Variants in SEMA3A observed in about 807,000 individuals in gnomAD.
SEMA3A encodes the protein semaphorin-3A.
In SEMA3A, 29 loss-of-function variants were observed where a neutral mutation model predicts 97.9. The observed-to-expected ratio is 0.30, with a 90% confidence interval of 0.22 to 0.40. SEMA3A has a LOEUF of 0.40. Among genes scored for constraint, SEMA3A ranks in the 10% least tolerant of loss-of-function variants. SEMA3A has a pLI of 1.00. For missense variants in SEMA3A, 763 were observed against 951.3 expected (o/e 0.80, Z 2.60); for synonymous variants, 321 against 323.7 (o/e 0.99, Z 0.09).
At chr7:84,379,657 C>G (rs1803203827) in intron 1 of SEMA3A, among the ~76,000 whole-genome samples, 1 of 151,212 alleles carries the variant, frequency 6.6e-6, no homozygotes. Context: ...TATTTCATAA[C>G]TAGAATGAAA....
At chr7:84,335,684 G>T (rs190775916) in intron 2 of SEMA3A, among the ~76,000 whole-genome samples, 2 of 152,216 alleles carry the variant, frequency 1.3e-5, no homozygotes, top group African/African-American at 4.8e-5. Flanking sequence ...TGACCTTAGA[G>T]AGTGAATATA....
At chr7:84,049,871 C>T (rs893479248) in intron 5 of SEMA3A, among the ~76,000 whole-genome samples, 4 of 120,754 alleles carry the variant, frequency 3.3e-5, no homozygotes, top group Admixed American at 1.8e-4. Context: ...CCCCTCCCCC[C>T]ACCCCACCAC....
chr7:84,425,438 G>GTATATATTTATATGAATATAAATATAT (rs1396004921), intron 1 of SEMA3A, among the ~76,000 whole-genome samples: 3 of 124,864 alleles, frequency 2.4e-5, no homozygotes, highest in Non-Finnish European at 3.2e-5. Flanking sequence ...TATAAATATA[G>GTATATATTTATATGAATATAAATATAT]GCATATATTT....
At chr7:84,227,354 G>T (rs939265212) in intron 3 of SEMA3A, among the ~76,000 whole-genome samples, 5 of 151,840 alleles carry the variant, frequency 3.3e-5, no homozygotes, top group Admixed American at 6.6e-5. Context: ...CTTCAAACCA[G>T]CAAGCATTCA....
At chr7:84,222,066 T>C (rs538085829) in intron 3 of SEMA3A, among the ~76,000 whole-genome samples, 30 of 152,092 alleles carry the variant, frequency 2.0e-4, no homozygotes, top group Non-Finnish European at 3.7e-4. Context: ...AATCTAGTCA[T>C]TGCTTCCAAA....
At chr7:84,242,276 C>T (rs1799382178) in intron 3 of SEMA3A, among the ~76,000 whole-genome samples, 1 of 152,084 alleles carries the variant, frequency 6.6e-6, no homozygotes, top group African/African-American at 2.4e-5. Flanking sequence ...GAATGTTTTT[C>T]CATTTGTTTG....
chr7:84,350,230 T>A (rs1017012100), intron 2 of SEMA3A, among the ~76,000 whole-genome samples: 1 of 152,196 alleles, frequency 6.6e-6, no homozygotes, highest in Non-Finnish European at 1.5e-5. Context: ...ATTATCTTTG[T>A]TCATTCTACA....
chr7:84,292,598 C>T lies in SEMA3A; in HGVS notation c.-83+14609G>A, dbSNP rs112877004. ...CTTTAGTTAATTGAAGCCAATACTA[C>T]GTAAAAATCTGTAGGAGGTAGAAAA... On this transcript the variant is annotated intron_variant, in intron 3 of 3. Transcript: ENST00000424555. 5.9e-5 allele frequency among the ~76,000 whole-genome samples: 9 copies of T among 151,972 alleles called. 1 individual carries two copies. The highest frequency in any genetic ancestry group is 1.4e-4 in the African/African-American group (6 of 41,486).
chr7:84,103,395 T>A (rs2115908993), intron 4 of SEMA3A, among the ~76,000 whole-genome samples: 1 of 152,108 alleles, frequency 6.6e-6, no homozygotes, highest in Non-Finnish European at 1.5e-5. Flanking sequence ...GGTACTAAAA[T>A]TTTAAATTAA....
rs762307031 is a variant in SEMA3A, at chr7:83,977,200, A to C, written c.1653-4T>G. On this transcript the variant is annotated splice_region_variant and splice_polypyrimidine_tract_variant and intron_variant, in intron 14 of 16. Coordinates refer to ENST00000265362, the MANE Select transcript of SEMA3A (RefSeq NM_006080.3). ...TATATCTTGTCGTCTTGTGCGTCTGAAGCAATTACATTTAAAAGGTGTTAT... is the reference window on the plus strand; with the variant it reads ...TATATCTTGTCGTCTTGTGCGTCTGCAGCAATTACATTTAAAAGGTGTTAT... 1 of 1,571,320 alleles carries C rather than the reference A, an allele frequency of 6.4e-7. No homozygotes were observed. Among genetic ancestry groups the C allele is most frequent in the South Asian group, 1.2e-5 (1 of 86,146 alleles).
At chr7:84,057,000 A>C (rs1178508207) in intron 5 of SEMA3A, among the ~76,000 whole-genome samples, 1 of 152,206 alleles carries the variant, frequency 6.6e-6, no homozygotes, top group African/African-American at 2.4e-5. Context: ...TTTCAGGTAC[A>C]AGGAAACTGA....
At chr7:84,426,321 C>T (rs1228891) in intron 1 of SEMA3A, among the ~76,000 whole-genome samples, 76,758 of 139,670 alleles carry the variant, frequency 0.55, 21,350 homozygotes, top group East Asian at 0.92. Flanking sequence ...GATAGATAGA[C>T]AGACAAATGC....
chr7:83,968,766 A>G (rs998700649), intron 15 of SEMA3A, among the ~76,000 whole-genome samples: 5 of 133,662 alleles, frequency 3.7e-5, no homozygotes, highest in African/African-American at 1.4e-4. Flanking sequence ...AAATATTTTT[A>G]TAACCCTTTT....
chr7:84,402,940 G>A (rs769151382), intron 1 of SEMA3A, among the ~76,000 whole-genome samples: 20 of 151,940 alleles, frequency 1.3e-4, no homozygotes, highest in African/African-American at 1.2e-4. Context: ...AAGACAGGTT[G>A]GTTTACAAAA....
At chr7:84,347,164 C>T (rs1802319017) in intron 2 of SEMA3A, among the ~76,000 whole-genome samples, 1 of 152,058 alleles carries the variant, frequency 6.6e-6, no homozygotes, top group Admixed American at 6.6e-5. Context: ...TTGCCTCATA[C>T]CCAGGGAATC....
chr7:84,222,369 C>A (rs1211002732), intron 3 of SEMA3A, among the ~76,000 whole-genome samples: 1 of 151,778 alleles, frequency 6.6e-6, no homozygotes, highest in Non-Finnish European at 1.5e-5. Context: ...AGACAGGTTA[C>A]CATGACTTTT....
At chr7:83,998,337 A>G (rs899154903) in intron 12 of SEMA3A, among the ~76,000 whole-genome samples, 7 of 152,234 alleles carry the variant, frequency 4.6e-5, no homozygotes, top group African/African-American at 1.7e-4. Context: ...TGATAACACA[A>G]TAGTAAGTAT....
intron 6 of SEMA3A, among the ~76,000 whole-genome samples, chr7:84,042,185 G>A (rs1792157967): frequency 1.3e-5 from 2 of 152,088 alleles, no homozygotes; most frequent in Non-Finnish European, 2.9e-5. Context: ...AGGAAGCTAC[G>A]CTGATTCCAA....
At chr7:84,487,190 A>T (rs1322407010) in intron 1 of SEMA3A, among the ~76,000 whole-genome samples, 1 of 152,108 alleles carries the variant, frequency 6.6e-6, no homozygotes, top group Non-Finnish European at 1.5e-5. Flanking sequence ...GCTAGAAATG[A>T]AAAAATATTA....
Sources: allele counts gnomAD v4.1 joint callset (sites outside exome capture counted in the v4.1 genomes callset), GRCh38; gene constraint gnomAD v4.1.1; transcripts MANE v1.5; gene names NCBI Gene and HGNC (gene_info 2026-07-23, HGNC 2026-07-21).